SLC44A1: variants seen among roughly 807,000 people sequenced by gnomAD.
SLC44A1 encodes the protein solute carrier family 44 member 1.
In SLC44A1, 26 loss-of-function variants were observed where a neutral mutation model predicts 79.3. The observed-to-expected ratio is 0.33, with a 90% CI of 0.24 to 0.46. SLC44A1 has a LOEUF of 0.46. SLC44A1 is among the 20% of genes least tolerant of loss of function. The pLI, the probability that SLC44A1 is intolerant of heterozygous loss-of-function variation, is 1.00. For missense variants in SLC44A1, 688 were observed against 798.1 expected (o/e 0.86, Z 1.66); for synonymous variants, 263 against 286.2 (o/e 0.92, Z 0.82).
chr9:105,434,021 A>G (rs1829432908), intron 15 of SLC44A1, among the ~76,000 whole-genome samples: 1 of 152,208 alleles, frequency 6.6e-6, no homozygotes, highest in Non-Finnish European at 1.5e-5. Flanking sequence ...CTCAGATAAT[A>G]GAGAGGATTG....
intron 4 of SLC44A1, 138 bp downstream of exon 4, chr9:105,335,837 T>C (rs1826900638): frequency 1.3e-5 from 11 of 852,900 alleles, no homozygotes; most frequent in Non-Finnish European, 1.9e-5. Flanking sequence ...CTAAAAAATA[T>C]TATAGTCACC....
intron 3 of SLC44A1, among the ~76,000 whole-genome samples, chr9:105,313,923 C>A (rs1025369440): frequency 6.6e-6 from 1 of 151,882 alleles, no homozygotes; most frequent in African/African-American, 2.4e-5. Flanking sequence ...CCGTGCCTGG[C>A]TAATTTTTTT....
chr9:105,251,368 C>T (rs1434091379), intron 1 of SLC44A1, among the ~76,000 whole-genome samples: 2 of 152,184 alleles, frequency 1.3e-5, no homozygotes, highest in African/African-American at 4.8e-5. Flanking sequence ...TGCCAGCACT[C>T]CGGTTCAAGC....
rs372352869 is a variant in SLC44A1 at position 105,388,945 on chromosome 9, T to C, written c.1951-88T>C. 1.8e-3 allele frequency: 1,827 copies of C among 992,442 alleles called. 7 individuals carry two copies. Among genetic ancestry groups the C allele is most frequent in the Non-Finnish European group, 2.2e-3 (1,353 of 620,738 alleles). 61.5% of individuals were successfully genotyped at this position (992,442 alleles called of 1,614,324 possible). On this transcript the variant is annotated intron_variant, in intron 15 of 15. Transcript: ENST00000374720. ...GTCCATTTTGCTGTCTTGCTGTTTG[T>C]GACCATGTGTATATTTGTAACATCA...
chr9:105,401,116 C>T (rs1390865048), downstream of SLC44A1, among the ~76,000 whole-genome samples: 4 of 152,106 alleles, frequency 2.6e-5, no homozygotes, highest in Non-Finnish European at 5.9e-5. Flanking sequence ...TGGAAAAGAT[C>T]GGTTTATTTG....
At chr9:105,255,133 AG>A (rs1350620928) in intron 1 of SLC44A1, among the ~76,000 whole-genome samples, 1 of 150,536 alleles carries the variant, frequency 6.6e-6, no homozygotes, top group Non-Finnish European at 1.5e-5. Flanking sequence ...TAAACTGAAA[AG>A]TCATGTCATT....
intron 3 of SLC44A1, among the ~76,000 whole-genome samples, chr9:105,330,077 C>T (rs148968280): frequency 3.2e-4 from 48 of 152,316 alleles, no homozygotes; most frequent in Non-Finnish European, 4.4e-4. Context: ...CAGGAGTATA[C>T]ACCTAGTAAT....
intron 15 of SLC44A1, 129 bp downstream of exon 15, chr9:105,385,631 C>G: frequency 6.9e-7 from 1 of 1,451,836 alleles, no homozygotes; most frequent in Non-Finnish European, 9.1e-7. Context: ...ACATGCTGCT[C>G]TTTCTGTTTG....
chr9:105,386,317 C>A, intron 15 of SLC44A1: 3 of 939,316 alleles, frequency 3.2e-6, no homozygotes, highest in Non-Finnish European at 3.8e-6. Context: ...CTAATTTAAA[C>A]ACGTATTTTT....
chr9:105,394,233 G>C lies in SLC44A1; in HGVS notation c.*5177G>C. 1.0e-6 allele frequency: 1 copy of C among 985,316 alleles called. No individual in the cohort carries two copies. The highest frequency in any genetic ancestry group is 1.2e-6 in the Non-Finnish European group (1 of 829,886). 61.0% of individuals were successfully genotyped at this position (985,316 alleles called of 1,614,324 possible). ...TGAGGAAGTGATTAGGCCTCCACTA[G>C]AGATACTTTTGAGATGATGCTTACC... On this transcript the variant is annotated 3_prime_UTR_variant, in exon 16 of 16. Transcript: ENST00000374720.
At chr9:105,292,041 C>G (rs528207531) in intron 1 of SLC44A1, among the ~76,000 whole-genome samples, 1 of 152,218 alleles carries the variant, frequency 6.6e-6, no homozygotes, top group Non-Finnish European at 1.5e-5. Context: ...AATGGTTGGT[C>G]TCTTACTTGT....
chr9:105,414,608 G>T (rs1030415341), intron 15 of SLC44A1, among the ~76,000 whole-genome samples: 19 of 152,152 alleles, frequency 1.2e-4, no homozygotes, highest in South Asian at 6.2e-4. Flanking sequence ...TTTTTAGATA[G>T]TAATAGATTT....
At chr9:105,355,102 C>T (rs924099460) in intron 5 of SLC44A1, among the ~76,000 whole-genome samples, 5 of 152,226 alleles carry the variant, frequency 3.3e-5, no homozygotes, top group South Asian at 4.1e-4. Flanking sequence ...GTGGGATTCA[C>T]GTTAACGATG....
At chr9:105,286,454 C>T (rs1445675549) in intron 1 of SLC44A1, among the ~76,000 whole-genome samples, 1 of 152,180 alleles carries the variant, frequency 6.6e-6, no homozygotes, top group Non-Finnish European at 1.5e-5. Context: ...GGCAAAATGG[C>T]ACATGGAATA....
chr9:105,295,462 A>G (rs1006097378), intron 1 of SLC44A1, among the ~76,000 whole-genome samples: 45 of 152,370 alleles, frequency 3.0e-4, no homozygotes, highest in Middle Eastern at 3.4e-3. Flanking sequence ...TGCTAGGTCT[A>G]TGCAGAATTT....
intron 15 of SLC44A1, among the ~76,000 whole-genome samples, chr9:105,416,088 G>A (rs1022742218): frequency 3.3e-5 from 5 of 151,356 alleles, no homozygotes; most frequent in Admixed American, 1.3e-4. Context: ...TTTTAGTAGA[G>A]GTTTCACCAT....
chr9:105,397,631 A>G (rs561044186), downstream of SLC44A1, among the ~76,000 whole-genome samples: 2 of 152,194 alleles, frequency 1.3e-5, no homozygotes, highest in Non-Finnish European at 2.9e-5. Context: ...AACTGAACTC[A>G]ATCATCAGGC....
At chr9:105,270,610 G>C (rs545311462) in intron 1 of SLC44A1, among the ~76,000 whole-genome samples, 1 of 151,988 alleles carries the variant, frequency 6.6e-6, no homozygotes, top group South Asian at 2.1e-4. Flanking sequence ...TTTCTCTCTG[G>C]CTCTACCCTT....
intron 1 of SLC44A1, among the ~76,000 whole-genome samples, chr9:105,245,855 G>T (rs1008801830): frequency 2.0e-5 from 3 of 152,164 alleles, no homozygotes; most frequent in Non-Finnish European, 4.4e-5. Flanking sequence ...AGGATCAAAT[G>T]TAATAGAACT....
Sources: gnomAD v4.1 joint callset for allele counts (sites outside exome capture counted in the v4.1 genomes callset) on GRCh38, gnomAD v4.1.1 for gene constraint, MANE v1.5 for transcripts, NCBI Gene and HGNC (gene_info 2026-07-23, HGNC 2026-07-21) for gene names.